BRD7: variants seen among roughly 807,000 people sequenced by gnomAD.
BRD7 encodes the protein bromodomain containing 7.
Under a neutral mutation model 82.1 loss-of-function variants are expected in BRD7, and 15 were observed. The ratio of observed to expected loss-of-function variants is 0.18; its 90% CI spans 0.12 to 0.28. The LOEUF (loss-of-function observed/expected upper bound fraction) is 0.28, where lower values mean the gene tolerates loss of function less well. Among genes scored for constraint, BRD7 ranks in the 10% least tolerant of loss-of-function variants. The probability of loss-of-function intolerance (pLI) is 1.00; values close to 1 mark genes in which losing one functional copy is unlikely to be tolerated. For synonymous variants in BRD7, 232 were observed against 266.9 expected (o/e 0.87, Z 1.27); for missense variants, 638 against 779.9 (o/e 0.82, Z 2.17).
At chr16:50,364,126 G>A (rs1241327943) in intron 2 of BRD7, among the ~76,000 whole-genome samples, 1 of 151,666 alleles carries the variant, frequency 6.6e-6, no homozygotes. Flanking sequence ...GTGACTGTGT[G>A]ATTAGGTTCT....
At position 50,317,866 on chromosome 16, in the gene BRD7, G is replaced by A. The variant is rs977392013; in HGVS notation, c.*1345C>T. 5 of 151,700 alleles carry A rather than the reference G, an allele frequency of 3.3e-5. No individual in the cohort carries two copies. The highest frequency in any genetic ancestry group is 1.3e-4 in the Admixed American group (2 of 15,178). The allele number at this position is 151,700 out of a possible 1,614,324, so 9.4% of individuals were successfully genotyped here. On this transcript the variant is annotated 3_prime_UTR_variant, in exon 17 of 17. Transcript: ENST00000394688. ...TAACTTTTGTGAAAATAATACCTAA[G>A]GTTTTCTGGCTTATTGAGGAAATTT...
intron 5 of BRD7, among the ~76,000 whole-genome samples, chr16:50,342,569 C>T (rs1466191847): frequency 3.4e-5 from 5 of 148,144 alleles, no homozygotes; most frequent in Non-Finnish European, 5.9e-5. Flanking sequence ...TACAGGCATC[C>T]GCCACCACAC....
rs1050055651 is a variant in BRD7, at chr16:50,354,715, C to T, written c.388+78G>A. On this transcript the variant is annotated intron_variant, in intron 3 of 16. Transcript: ENST00000394688. ...CAATCACAAAGCTCCAACTTAGAAGCTAAAACCCCACCATTTTCCTGAGCT... is the reference window on the plus strand; with the variant it reads ...CAATCACAAAGCTCCAACTTAGAAGTTAAAACCCCACCATTTTCCTGAGCT... 5.2e-6 allele frequency: 8 copies of T among 1,531,366 alleles called. No individual in the cohort carries two copies. In the African/African-American group the frequency reaches 5.6e-5, roughly 11 times the overall value. 94.9% of individuals were successfully genotyped at this position (1,531,366 alleles called of 1,614,324 possible). A position where few individuals can be genotyped will look rare whatever the true frequency, so the allele number is the denominator to read the frequency against.
At chr16:50,330,599 C>G (rs7186289) in intron 8 of BRD7, among the ~76,000 whole-genome samples, 152,271 of 152,342 alleles carry the variant, frequency 1, 76,100 homozygotes, top group Non-Finnish European at 1. Context: ...TATAAATCTA[C>G]AAGATCTGCT....
intron 2 of BRD7, among the ~76,000 whole-genome samples, chr16:50,366,587 G>A (rs938191710): frequency 6.6e-6 from 1 of 152,138 alleles, no homozygotes; most frequent in Middle Eastern, 3.2e-3. Flanking sequence ...CCTTGAGCAA[G>A]GGAAACTGAA....
intron 4 of BRD7, among the ~76,000 whole-genome samples, chr16:50,350,648 G>A (rs1386676395): frequency 1.3e-5 from 2 of 152,158 alleles, no homozygotes; most frequent in Non-Finnish European, 2.9e-5. Context: ...CTTCTATCAC[G>A]TGTATGTGGG....
rs1057251930 is a variant in BRD7, at chr16:50,340,139, T to G, written c.592-53A>C. On this transcript the variant is annotated intron_variant, in intron 5 of 16. Coordinates refer to ENST00000394688, the MANE Select transcript of BRD7 (RefSeq NM_013263.5). ...TGCATTAATGCAAAACAAACTACCC[T>G]GCACCCCCAGGTTGAAAATATACAG... is the stretch of plus-strand genomic sequence containing the variant. 3 of 1,004,122 alleles carry G rather than the reference T, an allele frequency of 3.0e-6. No individual in the cohort carries two copies. The African/African-American group carries it at 5.1e-5, about 17-fold the overall frequency. 62.2% of individuals were successfully genotyped at this position (1,004,122 alleles called of 1,614,324 possible).
intron 2 of BRD7, among the ~76,000 whole-genome samples, chr16:50,359,054 G>A (rs2038846092): frequency 6.6e-6 from 1 of 152,192 alleles, no homozygotes; most frequent in Admixed American, 6.5e-5. Context: ...GTATGTTGCA[G>A]AATCTTGTTG....
At chr16:50,320,628 G>A (rs1208128731) in intron 14 of BRD7, 35 bp downstream of exon 14, 1 of 1,503,420 alleles carries the variant, frequency 6.7e-7, no homozygotes, top group East Asian at 2.3e-5. Context: ...CCTACATCAT[G>A]CAGTGTTTCA....
intron 1 of BRD7, 145 bp downstream of exon 1, chr16:50,368,581 G>T: frequency 2.3e-6 from 2 of 865,228 alleles, no homozygotes; most frequent in East Asian, 6.9e-5. Flanking sequence ...GGGCAGCGCG[G>T]CCTCCGGCAG....
chr16:50,357,791 G>A (rs2038792919), intron 2 of BRD7, among the ~76,000 whole-genome samples: 1 of 152,072 alleles, frequency 6.6e-6, no homozygotes, highest in African/African-American at 2.4e-5. Context: ...GACCAGCCTG[G>A]CCAACAAAGC....
intron 14 of BRD7, 120 bp downstream of exon 14, chr16:50,320,543 A>C: frequency 7.1e-7 from 1 of 1,414,420 alleles, no homozygotes; most frequent in South Asian, 1.2e-5. Flanking sequence ...CCATTCATTT[A>C]ACTTGGTAAG....
At position 50,316,610 on chromosome 16, in the gene BRD7, G is replaced by A. The variant is rs2036811623; in HGVS notation, c.*2601C>T. The A allele has an allele frequency of 6.6e-6, 1 of 152,326 alleles. No homozygotes were observed. Among genetic ancestry groups the A allele is most frequent in the Non-Finnish European group, 1.5e-5 (1 of 68,082 alleles). 9.4% of individuals were successfully genotyped at this position (152,326 alleles called of 1,614,324 possible). A position where few individuals can be genotyped will look rare whatever the true frequency, so the allele number is the denominator to read the frequency against. On this transcript the variant is annotated 3_prime_UTR_variant, in exon 17 of 17. Coordinates refer to ENST00000394688, the MANE Select transcript of BRD7 (RefSeq NM_013263.5). ...TGCATGCAGAGGCTCCTGGATCTGG[G>A]AAGCCCGCCCCCTCACAAATGCTGA...
chr16:50,332,205 C>T (rs1044927523), intron 8 of BRD7, among the ~76,000 whole-genome samples: 40 of 152,190 alleles, frequency 2.6e-4, no homozygotes, highest in African/African-American at 9.7e-4. Flanking sequence ...AAACATCCCG[C>T]AGAACGGGAG....
intron 6 of BRD7, among the ~76,000 whole-genome samples, chr16:50,336,251 C>T (rs890352325): frequency 6.6e-6 from 1 of 152,116 alleles, no homozygotes; most frequent in Admixed American, 6.5e-5. Flanking sequence ...AAAGTACCAT[C>T]AACATCATTA....
At chr16:50,354,989 T>C (rs772071224) in intron 2 of BRD7, 67 bp from the exon 3 acceptor site, 185 of 1,540,438 alleles carry the variant, frequency 1.2e-4, no homozygotes, top group Non-Finnish European at 1.5e-4. Context: ...ACATAAATCA[T>C]TTTAAGGGGT....
At chr16:50,352,636 C>T (rs2038574724) in intron 4 of BRD7, among the ~76,000 whole-genome samples, 1 of 150,260 alleles carries the variant, frequency 6.7e-6, no homozygotes, top group Non-Finnish European at 1.5e-5. Flanking sequence ...AATGGCTATA[C>T]TAATTTACAT....
At chr16:50,358,350 T>TCCCATCTTTACAAAAAATACAAAAATTAG (rs61455994) in intron 2 of BRD7, among the ~76,000 whole-genome samples, 3 of 151,088 alleles carry the variant, frequency 2.0e-5, no homozygotes, top group Non-Finnish European at 4.4e-5. Context: ...CATAGCGAAA[T>TCCCATCTTTACAAAAAATACAAAAATTAG]CCAGGAGTTT....
intron 5 of BRD7, among the ~76,000 whole-genome samples, chr16:50,342,126 A>G (rs182594943): frequency 6.6e-6 from 1 of 152,268 alleles, no homozygotes; most frequent in Non-Finnish European, 1.5e-5. Flanking sequence ...CTGGGGACAC[A>G]CTTCTACTCT....
Sources: gnomAD v4.1 joint callset for allele counts (sites outside exome capture counted in the v4.1 genomes callset) on GRCh38, gnomAD v4.1.1 for gene constraint, MANE v1.5 for transcripts, NCBI Gene and HGNC (gene_info 2026-07-23, HGNC 2026-07-21) for gene names.